The following ANK2 variants were observed in gnomAD, a reference collection of about 807,000 sequenced individuals.
The protein encoded by ANK2 is ankyrin 2.
Under a neutral mutation model 360.5 loss-of-function variants are expected in ANK2, and 83 were observed. The ratio of observed to expected loss-of-function variants is 0.23; its 90% confidence interval spans 0.19 to 0.28. The LOEUF is 0.28. ANK2 is among the 10% of genes least tolerant of loss of function. ANK2 has a pLI of 1.00. For missense variants in ANK2, 4,201 were observed against 4,795.7 expected (o/e 0.88, Z 3.66); for synonymous variants, 1,740 against 1,759.5 (o/e 0.99, Z 0.28).
chr4:112,751,621 G>T, the ANK2 span, among the ~76,000 whole-genome samples: 3 of 151,306 alleles, frequency 2.0e-5, no homozygotes, highest in East Asian at 5.8e-4. Context: ...GGAAGGGATG[G>T]AATTGGAGGG....
intron 1 of ANK2, among the ~76,000 whole-genome samples, chr4:113,075,005 C>G (rs904163727): frequency 1.3e-5 from 2 of 152,052 alleles, no homozygotes; most frequent in African/African-American, 2.4e-5. Flanking sequence ...TTGTGTGGTC[C>G]TCAGATGAGC....
intron 1 of ANK2, among the ~76,000 whole-genome samples, chr4:112,840,872 T>G (rs2061946687): frequency 6.6e-6 from 1 of 152,196 alleles, no homozygotes. Context: ...TGTAAGCTCA[T>G]TCAGCTGCCT....
chr4:112,962,452 C>A (rs746803393), intron 2 of ANK2, among the ~76,000 whole-genome samples: 2 of 152,078 alleles, frequency 1.3e-5, no homozygotes, highest in Non-Finnish European at 1.5e-5. Context: ...TGTTGATGGC[C>A]ACCTAGGTTG....
At chr4:112,751,963 T>C in the ANK2 span, among the ~76,000 whole-genome samples, 21 of 152,198 alleles carry the variant, frequency 1.4e-4, no homozygotes, top group Non-Finnish European at 1.2e-4. Context: ...GTACAAAGAA[T>C]AGGGAGAAAA....
the ANK2 span, among the ~76,000 whole-genome samples, chr4:112,803,400 T>C: frequency 1.3e-5 from 2 of 152,058 alleles, no homozygotes; most frequent in African/African-American, 4.8e-5. Context: ...AAGGGCAGTT[T>C]GACACAAGCA....
intron 2 of ANK2, among the ~76,000 whole-genome samples, chr4:113,025,277 C>T (rs527639554): frequency 1.1e-4 from 16 of 152,240 alleles, no homozygotes; most frequent in African/African-American, 2.6e-4. Flanking sequence ...CCTTCATACA[C>T]GATGCCCCTC....
At chr4:113,021,539 A>C (rs10011700) in intron 2 of ANK2, among the ~76,000 whole-genome samples, 62,003 of 107,868 alleles carry the variant, frequency 0.57, 20,061 homozygotes, top group Admixed American at 0.69. Flanking sequence ...CCCACACACA[A>C]ACATATATAT....
At chr4:113,005,524 C>T (rs2052520860) in intron 2 of ANK2, among the ~76,000 whole-genome samples, 2 of 152,030 alleles carry the variant, frequency 1.3e-5, no homozygotes, top group Admixed American at 1.3e-4. Flanking sequence ...TATGTACGAG[C>T]TAAAACAGTC....
intron 2 of ANK2, among the ~76,000 whole-genome samples, chr4:112,985,971 A>C (rs2044704264): frequency 6.7e-6 from 1 of 150,306 alleles, no homozygotes; most frequent in Non-Finnish European, 1.5e-5. Context: ...TTGTTCCCCC[A>C]AAATCTATGG....
intron 41 of ANK2, 80 bp downstream of exon 41, chr4:113,365,262 G>A: frequency 1.4e-6 from 2 of 1,465,010 alleles, no homozygotes; most frequent in East Asian, 4.8e-5. Flanking sequence ...TTGAGGCACT[G>A]GACCTACTGT....
chr4:113,257,960 T>A (rs570053083), intron 11 of ANK2, 90 bp from the exon 12 acceptor site: 1 of 1,175,496 alleles, frequency 8.5e-7, no homozygotes, highest in South Asian at 1.2e-5. Context: ...TATGTGACGA[T>A]GTAACATTAT....
intron 2 of ANK2, among the ~76,000 whole-genome samples, chr4:112,963,585 T>C (rs2035862027): frequency 6.6e-6 from 1 of 152,050 alleles, no homozygotes; most frequent in African/African-American, 2.4e-5. Context: ...GCAGACTGAA[T>C]TTTTTTTCCA....
intron 41 of ANK2, among the ~76,000 whole-genome samples, chr4:113,366,893 C>A (rs1006670830): frequency 4.6e-5 from 7 of 152,154 alleles, no homozygotes; most frequent in African/African-American, 1.7e-4. Context: ...AGCATCTAAG[C>A]AGCACTTATT....
intron 16 of ANK2, 51 bp from the exon 17 acceptor site, chr4:113,278,409 G>A (rs1014933491): frequency 6.6e-7 from 1 of 1,505,322 alleles, no homozygotes; most frequent in African/African-American, 1.4e-5. Context: ...GTAGCTTCAG[G>A]GCAGCTAACC....
intron 10 of ANK2, among the ~76,000 whole-genome samples, chr4:113,254,094 G>A (rs1420003898): frequency 1.3e-5 from 2 of 152,000 alleles, no homozygotes; most frequent in Admixed American, 6.5e-5. Context: ...CTTCCTTCAC[G>A]TCAAAACTCA....
intron 9 of ANK2, among the ~76,000 whole-genome samples, chr4:113,243,769 T>G (rs1284970337): frequency 1.3e-5 from 2 of 152,200 alleles, no homozygotes; most frequent in Non-Finnish European, 2.9e-5. Flanking sequence ...ACATTACCAA[T>G]GTATTACATT....
chr4:113,340,694 A>G (rs1459440397), intron 32 of ANK2, among the ~76,000 whole-genome samples: 1 of 149,876 alleles, frequency 6.7e-6, no homozygotes, highest in African/African-American at 2.5e-5. Context: ...CGTTGTCTCA[A>G]AAACAAAACA....
At chr4:112,721,038 G>GA in the ANK2 span, among the ~76,000 whole-genome samples, 2 of 152,140 alleles carry the variant, frequency 1.3e-5, no homozygotes, top group Non-Finnish European at 2.9e-5. Context: ...TTGCTGCAGA[G>GA]AAAATATAAT....
the ANK2 span, among the ~76,000 whole-genome samples, chr4:112,737,968 G>A: frequency 2.6e-5 from 4 of 152,218 alleles, no homozygotes; most frequent in South Asian, 2.1e-4. Context: ...GGGGTACATC[G>A]ATAGAACAAA....
Sources: gnomAD v4.1 joint callset for allele counts (sites outside exome capture counted in the v4.1 genomes callset) on GRCh38, gnomAD v4.1.1 for gene constraint, MANE v1.5 for transcripts, NCBI Gene and HGNC (gene_info 2026-07-23, HGNC 2026-07-21) for gene names.